Variants in ARID3A observed in about 807,000 individuals in gnomAD.
ARID3A encodes AT-rich interaction domain 3A, also known as AT-rich interactive domain-containing protein 3A.
ARID3A carries 11 observed loss-of-function variants against 52.7 expected under a neutral mutation model. The ratio of observed to expected loss-of-function variants is 0.21; its 90% CI spans 0.13 to 0.35. ARID3A has a LOEUF of 0.35. ARID3A is among the 10% of genes least tolerant of loss of function. The pLI is 1.00. For missense variants in ARID3A, 721 were observed against 838.5 expected (o/e 0.86, Z 1.73); for synonymous variants, 404 against 359.4 (o/e 1.12, Z -1.40).
chr19:944,802 A>T lies in ARID3A; in HGVS notation c.693+12060A>T, dbSNP rs964866968. 6.6e-6 allele frequency among the ~76,000 whole-genome samples: 1 copy of T among 151,826 alleles called. No individual in the cohort carries two copies. Among genetic ancestry groups the T allele is most frequent in the Non-Finnish European group, 1.5e-5 (1 of 67,942 alleles). On this transcript the variant is annotated intron_variant, in intron 3 of 8. Coordinates refer to ENST00000263620, the MANE Select transcript of ARID3A (RefSeq NM_005224.3). This position sits in a 1 kb window ranked among gnomAD's most constrained non-coding sequence, Gnocchi z 5.9. ...CACCACACCCGGCTAACTTCATTTTATTTTTTGGAGACAGGGTCTTGCTGC... is the reference window on the plus strand; with the variant it reads ...CACCACACCCGGCTAACTTCATTTTTTTTTTTGGAGACAGGGTCTTGCTGC...
chr19:950,341 G>A (rs1422138885), intron 3 of ARID3A, among the ~76,000 whole-genome samples: 1 of 90,234 alleles, frequency 1.1e-5, no homozygotes, highest in African/African-American at 4.8e-5. Context: ...GGATGAGGCC[G>A]TCCCCAGAGG....
chr19:933,274 G>A (rs1397938438), intron 3 of ARID3A, among the ~76,000 whole-genome samples: 1 of 152,198 alleles, frequency 6.6e-6, no homozygotes, highest in Non-Finnish European at 1.5e-5. Flanking sequence ...GGCTCCGAGT[G>A]GGCGGTTAAG....
At chr19:957,116 G>T (rs572252762) in intron 3 of ARID3A, among the ~76,000 whole-genome samples, 1 of 152,078 alleles carries the variant, frequency 6.6e-6, no homozygotes, top group African/African-American at 2.4e-5. Context: ...CTGTGGGTGG[G>T]GGGGGGCGCT....
rs1348786489 is a variant in ARID3A, at chr19:960,642, TTTGAGTCC to T, written c.766+480_766+487del. ...TGATCTCATGGCGGCCAATGCGACA[TTTGAGTCC>T]TGGCCCCTCCCCTCTTCCCACCAGG... On this transcript the variant is annotated intron_variant, in intron 4 of 8. Coordinates refer to ENST00000263620, the MANE Select transcript of ARID3A (RefSeq NM_005224.3). This position sits in a 1 kb window ranked among gnomAD's most constrained non-coding sequence, Gnocchi z 4.3. 6.6e-6 allele frequency among the ~76,000 whole-genome samples: 1 copy of T among 151,934 alleles called. No individual in the cohort carries two copies. The highest frequency in any genetic ancestry group is 1.5e-5 in the Non-Finnish European group (1 of 67,954).
chr19:932,311 TC>T lies in ARID3A; in HGVS notation c.369-105del, dbSNP rs1599382885. 5.2e-6 allele frequency: 8 copies of T among 1,546,202 alleles called. No homozygotes were observed. In the East Asian group the frequency reaches 1.9e-4, roughly 37 times the overall value. The stretch of plus-strand genomic sequence containing the variant: ...GTCTGAGCTGGCGGCGGCCGGCTCT[TC>T]CTATTTCCAGAGAGGGAAACTGAGG... On this transcript the variant is annotated intron_variant, in intron 2 of 8. Transcript: ENST00000263620.
chr19:934,242 G>C (rs2037394302), intron 3 of ARID3A, among the ~76,000 whole-genome samples: 1 of 152,184 alleles, frequency 6.6e-6, no homozygotes. Flanking sequence ...TCCTTCGGGG[G>C]TCAGAGGTGA....
At chr19:939,590 A>G (rs754714215) in intron 3 of ARID3A, among the ~76,000 whole-genome samples, 2 of 152,072 alleles carry the variant, frequency 1.3e-5, no homozygotes, top group Non-Finnish European at 2.9e-5. Flanking sequence ...CCTGGGAGGT[A>G]TCTAACGTGT....
At chr19:949,735 G>A (rs2037766388) in intron 3 of ARID3A, among the ~76,000 whole-genome samples, 1 of 146,180 alleles carries the variant, frequency 6.8e-6, no homozygotes, top group African/African-American at 2.6e-5. Context: ...GGAGTGCAGT[G>A]GTGCGATCTG....
rs889573299 is a variant in ARID3A, at chr19:973,065, C to G, written c.*1000C>G. ...TATTCCACGATGCTTTTGCTTGTGCCGTGCTTGTCTGCTGGGCTCTCGAGT... is the reference window on the plus strand; with the variant it reads ...TATTCCACGATGCTTTTGCTTGTGCGGTGCTTGTCTGCTGGGCTCTCGAGT... On this transcript the variant is annotated 3_prime_UTR_variant, in exon 9 of 9. Coordinates refer to ENST00000263620, the MANE Select transcript of ARID3A (RefSeq NM_005224.3). 2 of 170,080 alleles carry G rather than the reference C, an allele frequency of 1.2e-5. No individual in the cohort carries two copies. The highest frequency in any genetic ancestry group is 2.4e-5 in the Non-Finnish European group (2 of 82,568). The allele number at this position is 170,080 out of a possible 1,614,324, so 10.5% of individuals were successfully genotyped here. A position where few individuals can be genotyped will look rare whatever the true frequency, so the allele number is the denominator to read the frequency against.
rs992667271 is a variant in ARID3A, at chr19:959,033, T to C, written c.694-1059T>C. Among the ~76,000 whole-genome samples, 5 of 152,350 alleles carry C rather than the reference T, an allele frequency of 3.3e-5. No homozygotes were observed. The highest frequency in any genetic ancestry group is 1.2e-4 in the African/African-American group (5 of 41,584). ...TAGCCCAGGAGCGCTGGCTGGGCTG[T>C]GCCTGTGCCTGGGTGTGTGGGAGGC... On this transcript the variant is annotated intron_variant, in intron 3 of 8. Transcript: ENST00000263620. This position sits in a 1 kb window ranked among gnomAD's most constrained non-coding sequence, Gnocchi z 5.0.
chr19:938,993 C>T lies in ARID3A; in HGVS notation c.693+6251C>T, dbSNP rs774295319. Among the ~76,000 whole-genome samples the T allele has an allele frequency of 1.2e-4, 18 of 146,738 alleles. No individual in the cohort carries two copies. Among genetic ancestry groups the T allele is most frequent in the Non-Finnish European group, 2.2e-4 (15 of 67,504 alleles). ...TCACCCAGGCTGCAGTGCAATGGTG[C>T]AATCTCAGCTCACTGCAACCTCTGC... On this transcript the variant is annotated intron_variant, in intron 3 of 8. Coordinates refer to ENST00000263620, the MANE Select transcript of ARID3A (RefSeq NM_005224.3). The surrounding 1 kb of genome is among the most constrained non-coding windows in gnomAD (Gnocchi z 4.0).
At chr19:954,369 G>A (rs970153590) in intron 3 of ARID3A, among the ~76,000 whole-genome samples, 5 of 152,248 alleles carry the variant, frequency 3.3e-5, no homozygotes, top group African/African-American at 1.2e-4. Context: ...CCCCACAGCA[G>A]GAAGTGGACA....
At chr19:946,159 C>T (rs1223049590) in intron 3 of ARID3A, among the ~76,000 whole-genome samples, 2 of 151,874 alleles carry the variant, frequency 1.3e-5, no homozygotes, top group Admixed American at 6.5e-5. Flanking sequence ...GCCCCGGCCG[C>T]GTGGAGTGGC....
At position 944,325 on chromosome 19, in the gene ARID3A, G is replaced by GGT. The variant is rs74873695; in HGVS notation, c.693+11606_693+11607dup. Among the ~76,000 whole-genome samples, 364 of 149,802 alleles carry GGT rather than the reference G, an allele frequency of 2.4e-3. No individual in the cohort carries two copies. Among genetic ancestry groups the GGT allele is most frequent in the East Asian group, 5.4e-3 (27 of 5,014 alleles). On this transcript the variant is annotated intron_variant, in intron 3 of 8. Transcript: ENST00000263620. The surrounding 1 kb of genome is among the most constrained non-coding windows in gnomAD (Gnocchi z 5.9). ...TCTGGCTGCAGGGGCGCGTCCAGGG[G>GGT]GTGTGTGTGTGTGTGTGTGTGTGTC...
chr19:945,966 C>T (rs2037670668), intron 3 of ARID3A, among the ~76,000 whole-genome samples: 1 of 152,172 alleles, frequency 6.6e-6, no homozygotes, highest in African/African-American at 2.4e-5. Flanking sequence ...AACCCCAGGA[C>T]GGAGTTAATT....
At position 929,434 on chromosome 19, in the gene ARID3A, G is replaced by C; in HGVS notation, c.-95G>C. ...GCGGCCCCCACGCTGCAGTGCGGCC[G>C]GGCCCCCTCCCCGCAGGGGCCGCCC... On this transcript the variant is annotated 5_prime_UTR_variant, in exon 2 of 9. Transcript: ENST00000263620. This position sits in a 1 kb window ranked among gnomAD's most constrained non-coding sequence, Gnocchi z 6.2. 8.5e-7 allele frequency: 1 copy of C among 1,177,470 alleles called. No individual in the cohort carries two copies. The highest frequency in any genetic ancestry group is 1.7e-5 in the African/African-American group (1 of 58,154). 72.9% of individuals were successfully genotyped at this position (1,177,470 alleles called of 1,614,324 possible).
In ARID3A at chr19:964,987, A is replaced by T; in HGVS notation, c.1105A>T (p.Met369Leu). The change falls in exon 6 of 9, where the codon ATG (methionine) becomes TTG (leucine). Residue 369 changes from methionine (M) to leucine (L), a missense_variant. Around this residue, in one of 5 missense-constraint regions of ARID3A, gnomAD observed 297 missense variants for 343.2 expected, o/e 0.87. Coordinates refer to ENST00000263620, the MANE Select transcript of ARID3A (RefSeq NM_005224.3). This position sits in a 1 kb window ranked among gnomAD's most constrained non-coding sequence, Gnocchi z 5.7. ...CTACTCGCCAGGCGGGGCACACGGCATGCTCTCCTCACCCAAGCTACCCGT... is the reference window on the plus strand; with the variant it reads ...CTACTCGCCAGGCGGGGCACACGGCTTGCTCTCCTCACCCAAGCTACCCGT... ...FAYSPGGAHG[M>L]LSSPKLPVSS... 6.2e-7 allele frequency: 1 copy of T among 1,613,754 alleles called. No homozygotes were observed. Among genetic ancestry groups the T allele is most frequent in the African/African-American group, 1.3e-5 (1 of 75,000 alleles).
chr19:971,734 C>T (rs2038279273), intron 8 of ARID3A, 144 bp from the exon 9 acceptor site: 5 of 1,081,254 alleles, frequency 4.6e-6, no homozygotes, highest in Non-Finnish European at 6.4e-6. Context: ...CTGCAGTGAG[C>T]TCTGATGCCA....
intron 3 of ARID3A, among the ~76,000 whole-genome samples, chr19:956,166 A>ACCCCAGGACAGATCCCC (rs1485323961): frequency 1.3e-5 from 2 of 151,978 alleles, no homozygotes; most frequent in Admixed American, 6.6e-5. Flanking sequence ...GATGGCGTTC[A>ACCCCAGGACAGATCCCC]CCCCAGGACA....
Sources: allele counts gnomAD v4.1 joint callset (sites outside exome capture counted in the v4.1 genomes callset), GRCh38; gene constraint gnomAD v4.1.1; regional missense constraint gnomAD v4.1.1; non-coding constraint Gnocchi (gnomAD v3.1); transcripts MANE v1.5; gene names NCBI Gene and HGNC (gene_info 2026-07-23, HGNC 2026-07-21).